The following SMTNL1 variants were observed in gnomAD, a reference collection of about 807,000 sequenced individuals.
SMTNL1 encodes the protein smoothelin-like protein 1.
SMTNL1 carries 41 observed loss-of-function variants against 46.6 expected under a neutral mutation model. That is an observed-to-expected ratio of 0.88 (90% CI 0.69 to 1.14). The LOEUF is 1.14. SMTNL1 is among the 50% of genes most tolerant of loss of function. The probability of loss-of-function intolerance (pLI) is 0.00; values close to 1 mark genes in which losing one functional copy is unlikely to be tolerated. For synonymous variants in SMTNL1, 234 were observed against 234.2 expected (o/e 1.00, Z 0.01); for missense variants, 591 against 626.1 (o/e 0.94, Z 0.60).
chr11:57,541,439 G>A (rs955226992), intron 1 of SMTNL1: 6 of 1,325,228 alleles, frequency 4.5e-6, no homozygotes, highest in African/African-American at 1.5e-5. Flanking sequence ...ACCTGTTTTT[G>A]TAGATCCTCC....
chr11:57,542,439 T>C (rs1338872771), intron 1 of SMTNL1, among the ~76,000 whole-genome samples: 1 of 152,202 alleles, frequency 6.6e-6, no homozygotes, highest in Non-Finnish European at 1.5e-5. Flanking sequence ...GTGAACACCA[T>C]CCAACGTCAT....
At chr11:57,543,960 ACCTC>A (rs1944902942) in intron 4 of SMTNL1, 40 bp downstream of exon 4, 1 of 1,552,448 alleles carries the variant, frequency 6.4e-7, no homozygotes, top group Admixed American at 1.9e-5. Flanking sequence ...AATTCCCCCT[ACCTC>A]CTGCTTCCCT....
At chr11:57,546,091 T>A (rs1590803940) in intron 5 of SMTNL1, 55 bp downstream of exon 5, 1 of 1,532,778 alleles carries the variant, frequency 6.5e-7, no homozygotes, top group Non-Finnish European at 8.8e-7. Flanking sequence ...CCTGGGTTGG[T>A]GGGAGGGTGG....
chr11:57,549,574 T>C (rs1304749026), intron 7 of SMTNL1, among the ~76,000 whole-genome samples: 1 of 150,798 alleles, frequency 6.6e-6, no homozygotes, highest in Admixed American at 6.6e-5. Flanking sequence ...AAGGTCTCAC[T>C]AGGTTGTCCA....
intron 3 of SMTNL1, 29 bp from the exon 4 acceptor site, chr11:57,543,840 C>A: frequency 6.4e-7 from 1 of 1,553,308 alleles, no homozygotes; most frequent in East Asian, 2.3e-5. Context: ...ATAGCCCCAG[C>A]TTCCCTCCCT....
intron 7 of SMTNL1, among the ~76,000 whole-genome samples, chr11:57,547,906 G>A (rs1944933091): frequency 1.3e-5 from 2 of 152,238 alleles, no homozygotes; most frequent in African/African-American, 4.8e-5. Context: ...TTTCTCCTAT[G>A]CCAGCACCTA....
rs367547556 is a variant in SMTNL1 at position 57,550,057 on chromosome 11, A to G, written c.1430A>G (p.Gln477Arg). 9.3e-6 allele frequency: 15 copies of G among 1,613,828 alleles called. No homozygotes were observed. The African/African-American group carries it at 1.5e-4, about 16-fold the overall frequency. ...TCCAAGTGCGTCTACACATACATCC[A>G]GGAACTGTACCGCAGCCTTGTGCAG... Reference protein sequence around the residue: ...PDSKCVYTYIQELYRSLVQKG... With the variant: ...PDSKCVYTYIRELYRSLVQKG... Residue 477 changes from glutamine to arginine, a missense_variant, in exon 8 of 8, where the codon CAG (glutamine) becomes CGG (arginine). By Grantham distance (43) the Gln-to-Arg change is conservative. Coordinates refer to ENST00000527972, the MANE Select transcript of SMTNL1 (RefSeq NM_001105565.3).
intron 4 of SMTNL1, among the ~76,000 whole-genome samples, chr11:57,545,253 C>G (rs1366239463): frequency 6.6e-6 from 1 of 152,126 alleles, no homozygotes; most frequent in Non-Finnish European, 1.5e-5. Context: ...CCTCATTTTA[C>G]AGATGAGGAA....
chr11:57,546,099 TGGCC>T, intron 5 of SMTNL1, 63 bp downstream of exon 5: 3 of 1,529,414 alleles, frequency 2.0e-6, no homozygotes, highest in Non-Finnish European at 2.6e-6. Flanking sequence ...GGTGGGAGGG[TGGCC>T]TCAGGGGCAG....
intron 4 of SMTNL1, among the ~76,000 whole-genome samples, chr11:57,544,897 T>C (rs1019001862): frequency 6.7e-6 from 1 of 149,486 alleles, no homozygotes. Flanking sequence ...AGTGCAATAG[T>C]GCGATCTCAG....
At chr11:57,545,321 C>A (rs1944913141) in intron 4 of SMTNL1, among the ~76,000 whole-genome samples, 1 of 151,982 alleles carries the variant, frequency 6.6e-6, no homozygotes, top group African/African-American at 2.4e-5. Context: ...GAGGCAAAGC[C>A]ATGCCAAGCG....
In SMTNL1 at chr11:57,542,829, T is replaced by A; in HGVS notation, c.187T>A (p.Ser63Thr). Residue 63 changes from serine to threonine, a missense_variant, in exon 2 of 8, where the codon TCA becomes ACA. Physicochemically the swap from Ser to Thr is moderately conservative, Grantham distance 58. Coordinates refer to ENST00000527972, the MANE Select transcript of SMTNL1 (RefSeq NM_001105565.3). ...QEKAPAEDGM[S>T]AELQGEANGL... ...AAAGGCACCAGCCGAGGACGGCATGTCAGCAGAACTCCAGGGGGAAGCAAA... is the reference window on the plus strand; with the variant it reads ...AAAGGCACCAGCCGAGGACGGCATGACAGCAGAACTCCAGGGGGAAGCAAA... 6.2e-7 allele frequency: 1 copy of A among 1,613,574 alleles called. No individual in the cohort carries two copies. Among genetic ancestry groups the A allele is most frequent in the Non-Finnish European group, 8.5e-7 (1 of 1,179,728 alleles).
Position 57,542,748 on chromosome 11 carries a change from GGCACA to G in SMTNL1, c.109_113del (p.Thr37TrpfsTer6). 3 of 1,613,966 alleles carry G rather than the reference GGCACA, an allele frequency of 1.9e-6. No individual in the cohort carries two copies. The highest frequency in any genetic ancestry group is 2.5e-6 in the Non-Finnish European group (3 of 1,179,882). ...TGGAGCCCCTGCAGAGGAGACCAAA[GGCACA>G]GCTGGAAAGGCCATCAATGAGGGGC... On this transcript the variant is annotated frameshift_variant, in exon 2 of 8. Transcript: ENST00000527972. LOFTEE classifies it high-confidence loss of function.
chr11:57,546,713 A>G (rs1035496877), intron 7 of SMTNL1, 61 bp downstream of exon 7: 4 of 1,566,856 alleles, frequency 2.6e-6, no homozygotes, highest in Non-Finnish European at 3.5e-6. Flanking sequence ...CTGGATTCAC[A>G]GGGGTTGAGT....
At chr11:57,545,801 T>C (rs1944916130) in intron 4 of SMTNL1, 80 bp from the exon 5 acceptor site, 263 of 522,492 alleles carry the variant, frequency 5.0e-4, no homozygotes, top group Non-Finnish European at 6.7e-4. Context: ...CCACCCACCC[T>C]CCAGCCCCAC....
At chr11:57,538,747 C>A (rs1367020115) in intron 1 of SMTNL1, among the ~76,000 whole-genome samples, 1 of 152,218 alleles carries the variant, frequency 6.6e-6, no homozygotes, top group Non-Finnish European at 1.5e-5. Context: ...AGCCTGAAAT[C>A]CCCATTGGCT....
At chr11:57,544,153 G>A (rs1408718276) in intron 4 of SMTNL1, among the ~76,000 whole-genome samples, 1 of 152,238 alleles carries the variant, frequency 6.6e-6, no homozygotes, top group Non-Finnish European at 1.5e-5. Context: ...GCTGAGGTGG[G>A]TGGATTACCT....
Position 57,545,730 on chromosome 11 carries a change from T to A in SMTNL1, c.918-151T>A. On this transcript the variant is annotated intron_variant, in intron 4 of 7. Transcript: ENST00000527972. ...CCCCAAGTTAGACTGAGACTCACGA[T>A]TCCTTCTCAATGTCCTCCCAGTGCT... 6.8e-6 allele frequency: 5 copies of A among 738,866 alleles called. No homozygotes were observed. In the South Asian group the frequency reaches 9.7e-5, roughly 14 times the overall value. 45.8% of individuals were successfully genotyped at this position (738,866 alleles called of 1,614,324 possible). A position where few individuals can be genotyped will look rare whatever the true frequency, so the allele number is the denominator to read the frequency against.
In SMTNL1 at chr11:57,540,670, G is replaced by A. The variant is rs73478635; in HGVS notation, c.-2-1971G>A. On this transcript the variant is annotated intron_variant, in intron 1 of 7. Coordinates refer to ENST00000527972, the MANE Select transcript of SMTNL1 (RefSeq NM_001105565.3). ...CCAGCTCCACAACTTCACACCTCCC[G>A]GCATCTCTGCTGATGTGCGTCCATC... 6.8e-3 allele frequency among the ~76,000 whole-genome samples: 1,033 copies of A among 151,994 alleles called. 11 individuals are homozygous for A. Among genetic ancestry groups the A allele is most frequent in the African/African-American group, 0.024 (978 of 41,458 alleles).
Sources: allele counts gnomAD v4.1 joint callset (sites outside exome capture counted in the v4.1 genomes callset), GRCh38; gene constraint gnomAD v4.1.1; transcripts MANE v1.5; gene names NCBI Gene and HGNC (gene_info 2026-07-23, HGNC 2026-07-21).